NCAN: variants seen among roughly 807,000 people sequenced by gnomAD.
The protein encoded by NCAN is neurocan core protein.
NCAN carries 47 observed loss-of-function variants against 121.8 expected under a neutral mutation model. The observed-to-expected ratio is 0.39, with a 90% confidence interval of 0.31 to 0.49. The LOEUF (loss-of-function observed/expected upper bound fraction) is 0.49. NCAN is among the 20% of genes least tolerant of loss of function. The pLI is 0.92. For synonymous variants in NCAN, 633 were observed against 702.0 expected (o/e 0.90, Z 1.55); for missense variants, 1,517 against 1,773.4 (o/e 0.86, Z 2.60).
chr19:19,220,450 CTTTTTTTTTTTTT>C (rs71170607), intron 3 of NCAN, among the ~76,000 whole-genome samples: 1 of 72,692 alleles, frequency 1.4e-5, no homozygotes, highest in African/African-American at 6.0e-5. Context: ...TTAGGCAATT[CTTTTTTTTTTTTT>C]TTTTTTTTTT....
rs762347973 is a variant in NCAN at position 19,225,166 on chromosome 19, G to T, written c.968G>T (p.Arg323Leu). 28 of 1,531,404 alleles carry T rather than the reference G, an allele frequency of 1.8e-5. No individual in the cohort carries two copies. Among genetic ancestry groups the T allele is most frequent in the Non-Finnish European group, 2.3e-5 (27 of 1,150,288 alleles). 94.9% of individuals were successfully genotyped at this position (1,531,404 alleles called of 1,614,324 possible). The change falls in exon 6 of 15, where the codon CGG (arginine) becomes CTG (leucine). Residue 323 changes from arginine (R) to leucine (L), a missense_variant. Physicochemically the swap from Arg to Leu is moderately radical, Grantham distance 102. Transcript: ENST00000252575. This position sits in a 1 kb window ranked among gnomAD's most constrained non-coding sequence, Gnocchi z 4.0. ...SVRYPIQTPR[R>L]RCGGPAPGVR... The stretch of plus-strand genomic sequence containing the variant: ...CGCTACCCGATCCAGACGCCGCGCC[G>T]GCGCTGCGGGGGCCCAGCCCCGGGC...
intron 12 of NCAN, among the ~76,000 whole-genome samples, chr19:19,244,207 TTGTC>T (rs1325547692): frequency 9.9e-5 from 15 of 152,028 alleles, no homozygotes; most frequent in Admixed American, 5.9e-4. Context: ...CCACTGGGCT[TTGTC>T]TGTTCCTCAA....
chr19:19,233,887 G>T lies in NCAN; in HGVS notation c.3118G>T (p.Gly1040Trp). The T allele has an allele frequency of 3.1e-6, 5 of 1,610,992 alleles. No homozygotes were observed. Among genetic ancestry groups the T allele is most frequent in the Admixed American group, 1.7e-5 (1 of 59,994 alleles). ...YGCSCDQGFA[G>W]ENCEIDIDDC... is the part of the protein sequence containing the mutation. ...CTGTAGCTGTGATCAGGGCTTCGCC[G>T]GGGAGAACTGTGAGATTGGTGAGTA... Residue 1040 changes from glycine (G) to tryptophan (W), a missense_variant, in exon 9 of 15, where the codon GGG (glycine) becomes TGG (tryptophan). Physicochemically the swap from Gly to Trp is radical, Grantham distance 184. Coordinates refer to ENST00000252575, the MANE Select transcript of NCAN (RefSeq NM_004386.3).
Position 19,226,990 on chromosome 19 carries a change from T to G in NCAN, c.1577T>G (p.Met526Arg). The G allele has an allele frequency of 6.5e-7, 1 of 1,535,078 alleles. No individual in the cohort carries two copies. The highest frequency in any genetic ancestry group is 1.3e-5 in the South Asian group (1 of 78,786). Residue 526 changes from methionine to arginine, a missense_variant, in exon 7 of 15, where the codon ATG (methionine) becomes AGG (arginine). Transcript: ENST00000252575. ...AACCAAATGGAGCCTCCGTTGGCCA[T>G]GGCAGTCACAGAGATGTTGGGCAGT... Reference protein sequence around the residue: ...AVNQMEPPLAMAVTEMLGSGQ... With the variant: ...AVNQMEPPLARAVTEMLGSGQ...
At chr19:19,243,835 G>A (rs1437093690) in intron 12 of NCAN, among the ~76,000 whole-genome samples, 1 of 152,100 alleles carries the variant, frequency 6.6e-6, no homozygotes, top group East Asian at 1.9e-4. Flanking sequence ...AGACCAGCCT[G>A]GCCAACATGG....
In NCAN at chr19:19,217,503, T is replaced by C. The variant is rs144562475; in HGVS notation, c.73+477T>C. On this transcript the variant is annotated intron_variant, in intron 2 of 14. Coordinates refer to ENST00000252575, the MANE Select transcript of NCAN (RefSeq NM_004386.3). ...GACATTGCTACTCTGCAGATGGTTA[T>C]GAAAATCAAATGAGCTGATTGCTAT... Among the ~76,000 whole-genome samples, 377 of 152,362 alleles carry C rather than the reference T, an allele frequency of 2.5e-3. 2 individuals are homozygous for C. Among genetic ancestry groups the C allele is most frequent in the Non-Finnish European group, 4.0e-3 (269 of 68,038 alleles).
chr19:19,216,909 T>C, intron 1 of NCAN, 38 bp from the exon 2 acceptor site: 1 of 1,220,782 alleles, frequency 8.2e-7, no homozygotes, highest in Non-Finnish European at 1.1e-6. Flanking sequence ...AGGGTTGGGC[T>C]GTGGCTCACC....
At position 19,245,404 on chromosome 19, in the gene NCAN, G is replaced by A; in HGVS notation, c.3584G>A (p.Trp1195Ter). The A allele has an allele frequency of 1.2e-6, 2 of 1,614,226 alleles. No individual in the cohort carries two copies. Among genetic ancestry groups the A allele is most frequent in the Non-Finnish European group, 1.7e-6 (2 of 1,180,048 alleles). Residue 1195 changes from tryptophan (W) to a stop codon, truncating the protein, a stop_gained, in exon 13 of 15, where the codon TGG (tryptophan) becomes TAG (stop). Transcript: ENST00000252575. LOFTEE classifies it high-confidence loss of function. ...VVMVAHESGR[W>*]NDVPCNYNLP... is the part of the protein sequence containing the mutation. The stretch of plus-strand genomic sequence containing the variant: ...ATGGTGGCGCATGAAAGCGGGCGCT[G>A]GAACGATGTCCCCTGCAACTACAAC...
chr19:19,227,620 C>T lies in NCAN; in HGVS notation c.2000C>T (p.Ala667Val), dbSNP rs942378006. 4 of 1,613,814 alleles carry T rather than the reference C, an allele frequency of 2.5e-6. No individual in the cohort carries two copies. The African/African-American group carries it at 5.3e-5, about 22-fold the overall frequency. Residue 667 changes from alanine to valine, a missense_variant, in exon 8 of 15, where the codon GCT becomes GTT. Transcript: ENST00000252575. This position sits in a 1 kb window ranked among gnomAD's most constrained non-coding sequence, Gnocchi z 4.2. ...VEAHGEATAT[A>V]PPSPAAETKV... ...GCACATGGTGAGGCCACCGCCACGGCTCCACCCTCCCCTGCTGCAGAGACC... is the reference window on the plus strand; with the variant it reads ...GCACATGGTGAGGCCACCGCCACGGTTCCACCCTCCCCTGCTGCAGAGACC...
Position 19,224,990 on chromosome 19 carries a change from C to A in NCAN, c.792C>A (p.Tyr264Ter). ...CCCCTCCCGCAGGCGAGGTCTTCTA[C>A]GTGGGCCCGGCCCGCCGCCTGACAC... is the stretch of plus-strand genomic sequence containing the variant. ...FARELGGEVF[Y>*]VGPARRLTLA... Residue 264 changes from tyrosine (Y) to a stop codon, truncating the protein, a stop_gained, in exon 6 of 15, where the codon TAC (tyrosine) becomes TAA (stop). Coordinates refer to ENST00000252575, the MANE Select transcript of NCAN (RefSeq NM_004386.3). LOFTEE classifies it high-confidence loss of function. The A allele has an allele frequency of 6.9e-7, 1 of 1,450,084 alleles. No homozygotes were observed. The highest frequency in any genetic ancestry group is 1.4e-5 in the South Asian group (1 of 72,532). 89.8% of individuals were successfully genotyped at this position (1,450,084 alleles called of 1,614,324 possible).
In NCAN at chr19:19,238,243, C is replaced by T. The variant is rs199771335; in HGVS notation, c.3251-10C>T. ...CCAGCCCCCCCTCACGCTCCTATCCCATCTCCCAGACACCGAGGGCTGTGA... is the reference window on the plus strand; with the variant it reads ...CCAGCCCCCCCTCACGCTCCTATCCTATCTCCCAGACACCGAGGGCTGTGA... On this transcript the variant is annotated splice_polypyrimidine_tract_variant and intron_variant, in intron 10 of 14. Coordinates refer to ENST00000252575, the MANE Select transcript of NCAN (RefSeq NM_004386.3). 8.7e-6 allele frequency: 14 copies of T among 1,614,054 alleles called. No homozygotes were observed. In the Admixed American group the frequency reaches 1.5e-4, roughly 17 times the overall value.
intron 12 of NCAN, among the ~76,000 whole-genome samples, chr19:19,242,620 C>T (rs548089117): frequency 1.3e-5 from 2 of 150,606 alleles, no homozygotes; most frequent in East Asian, 2.0e-4. Flanking sequence ...ACCTGGAAGG[C>T]GTAGGTTGCA....
intron 10 of NCAN, 36 bp downstream of exon 10, chr19:19,235,132 G>A: frequency 1.3e-6 from 2 of 1,483,494 alleles, no homozygotes; most frequent in East Asian, 4.6e-5. Flanking sequence ...ACAGTACCAA[G>A]AGTGGGGTTG....
At position 19,227,530 on chromosome 19, in the gene NCAN, G is replaced by A. The variant is rs761188774; in HGVS notation, c.1910G>A (p.Arg637His). The A allele has an allele frequency of 8.7e-6, 14 of 1,613,862 alleles. No homozygotes were observed. Among genetic ancestry groups the A allele is most frequent in the South Asian group, 5.5e-5 (5 of 91,078 alleles). Residue 637 changes from arginine to histidine, a missense_variant, in exon 8 of 15, where the codon CGT (arginine) becomes CAT (histidine). Coordinates refer to ENST00000252575, the MANE Select transcript of NCAN (RefSeq NM_004386.3). The surrounding 1 kb of genome is among the most constrained non-coding windows in gnomAD (Gnocchi z 4.2). ...SPDLPMMAML[R>H]GPKEWMLPHP... ...GATCTCCCTATGATGGCCATGCTGC[G>A]TGGTCCCAAAGAGTGGATGCTACCA...
chr19:19,246,689 C>T (rs916112534), intron 13 of NCAN, among the ~76,000 whole-genome samples: 4 of 151,778 alleles, frequency 2.6e-5, no homozygotes, highest in South Asian at 2.1e-4. Context: ...ACACACCACA[C>T]CTGGCTAATT....
intron 1 of NCAN, among the ~76,000 whole-genome samples, chr19:19,215,100 C>T (rs927797791): frequency 1.3e-5 from 2 of 152,154 alleles, no homozygotes; most frequent in African/African-American, 4.8e-5. Flanking sequence ...ACTAGGTGGG[C>T]TTTGCCGCTG....
Position 19,225,192 on chromosome 19 carries a change from G to C in NCAN, c.994G>C (p.Val332Leu). The change falls in exon 6 of 15, where the codon GTG (valine) becomes CTG (leucine). Residue 332 changes from valine (V) to leucine (L), a missense_variant. Transcript: ENST00000252575. This position sits in a 1 kb window ranked among gnomAD's most constrained non-coding sequence, Gnocchi z 4.0. ...GCGCTGCGGGGGCCCAGCCCCGGGCGTGCGCACCGTCTACCGCTTCGCTAA... is the reference window on the plus strand; with the variant it reads ...GCGCTGCGGGGGCCCAGCCCCGGGCCTGCGCACCGTCTACCGCTTCGCTAA... ...RRRCGGPAPG[V>L]RTVYRFANRT... The C allele has an allele frequency of 6.4e-7, 1 of 1,557,846 alleles. No homozygotes were observed. Among genetic ancestry groups the C allele is most frequent in the Non-Finnish European group, 8.6e-7 (1 of 1,163,036 alleles).
At chr19:19,230,899 G>A (rs1253961438) in intron 8 of NCAN, among the ~76,000 whole-genome samples, 3 of 149,524 alleles carry the variant, frequency 2.0e-5, no homozygotes, top group East Asian at 2.0e-4. Flanking sequence ...GTGTGTGTGT[G>A]TGTGTGTGTG....
chr19:19,228,522 G>A lies in NCAN; in HGVS notation c.2902G>A (p.Asp968Asn), dbSNP rs1302799738. 6 of 1,613,424 alleles carry A rather than the reference G, an allele frequency of 3.7e-6. 1 individual carries two copies. In the South Asian group the frequency reaches 5.5e-5, roughly 15 times the overall value. The change falls in exon 8 of 15, where the codon GAC (aspartate) becomes AAC (asparagine). Residue 968 changes from aspartate to asparagine, a missense_variant. Transcript: ENST00000252575. Reference sequence around the variant, plus strand: ...GCTGCCTGTCACCCTGGGCATAGAGGACTTCGAACTGGAGGTCCTGGCAGG... The same window carrying A: ...GCTGCCTGTCACCCTGGGCATAGAGAACTTCGAACTGGAGGTCCTGGCAGG... ...TLLPVTLGIE[D>N]FELEVLAGSP... is the part of the protein sequence containing the mutation.
Sources: allele counts gnomAD v4.1 joint callset (sites outside exome capture counted in the v4.1 genomes callset), GRCh38; gene constraint gnomAD v4.1.1; non-coding constraint Gnocchi (gnomAD v3.1); transcripts MANE v1.5; gene names NCBI Gene and HGNC (gene_info 2026-07-23, HGNC 2026-07-21).